Variants in CTNNA2 observed in about 807,000 individuals in gnomAD.
CTNNA2 encodes catenin alpha-2.
CTNNA2 carries 42 observed loss-of-function variants against 101.0 expected under a neutral mutation model. The observed-to-expected ratio is 0.42, with a 90% CI of 0.32 to 0.54. CTNNA2 has a LOEUF of 0.54. CTNNA2 is among the 20% of genes least tolerant of loss of function. The pLI is 0.14. For missense variants in CTNNA2, 871 were observed against 1,223.1 expected, an observed-to-expected ratio of 0.71 and a Z score of 4.29; for synonymous variants, 450 against 456.4, an observed-to-expected ratio of 0.99 and a Z score of 0.18.
At position 79,911,045 on chromosome 2, in the gene CTNNA2, C is replaced by T. The variant is rs144883103; in HGVS notation, c.1056+1248C>T. 2.3e-3 allele frequency among the ~76,000 whole-genome samples: 351 copies of T among 152,268 alleles called. 2 individuals are homozygous for T. Among genetic ancestry groups the T allele is most frequent in the East Asian group, 0.012 (64 of 5,178 alleles). On this transcript the variant is annotated intron_variant, in intron 7 of 18. Coordinates refer to ENST00000402739, the MANE Select transcript of CTNNA2 (RefSeq NM_001282597.3). ...GCACACAAAGAATAAAATGTGGATG[C>T]ATCATGTGGCACCCAGCTGCTTATG...
intron 3 of CTNNA2, among the ~76,000 whole-genome samples, chr2:79,833,771 T>A (rs1679101808): frequency 6.6e-6 from 1 of 152,230 alleles, no homozygotes; most frequent in Non-Finnish European, 1.5e-5. Context: ...AGTCTTGCCA[T>A]GAAGAATCCT....
intron 1 of CTNNA2, among the ~76,000 whole-genome samples, chr2:79,515,815 T>G (rs1167475993): frequency 2.0e-5 from 3 of 152,190 alleles, no homozygotes; most frequent in African/African-American, 7.2e-5. Context: ...TGACTGGACC[T>G]TTAAAAATAC....
intron 17 of CTNNA2, chr2:80,612,831 T>G (rs1573455834): frequency 6.6e-6 from 1 of 151,474 alleles, no homozygotes; most frequent in East Asian, 2.0e-4. Flanking sequence ...GAAAAAAATC[T>G]AAAGTGCTAG....
intron 4 of CTNNA2, among the ~76,000 whole-genome samples, chr2:79,458,326 G>A (rs1051260253): frequency 6.6e-6 from 1 of 152,072 alleles, no homozygotes; most frequent in Admixed American, 6.5e-5. Flanking sequence ...TTTACAAAAT[G>A]AGTGAATTTT....
At chr2:79,973,909 A>G (rs1258840526) in intron 7 of CTNNA2, among the ~76,000 whole-genome samples, 3 of 151,678 alleles carry the variant, frequency 2.0e-5, no homozygotes, top group African/African-American at 7.3e-5. Flanking sequence ...TTTGTCAATC[A>G]AAGTGACAAG....
At chr2:79,889,944 T>C (rs985375829) in intron 6 of CTNNA2, among the ~76,000 whole-genome samples, 1 of 152,178 alleles carries the variant, frequency 6.6e-6, no homozygotes, top group African/African-American at 2.4e-5. Context: ...GGCCATTCTA[T>C]GTGACAGGAG....
chr2:80,644,041 G>A (rs533615766), intron 18 of CTNNA2, among the ~76,000 whole-genome samples: 20 of 152,246 alleles, frequency 1.3e-4, no homozygotes, highest in Admixed American at 6.5e-4. Flanking sequence ...TTTTGGATAG[G>A]CAATAACTAA....
At chr2:79,627,540 A>G (rs572921990) in intron 1 of CTNNA2, among the ~76,000 whole-genome samples, 4 of 152,348 alleles carry the variant, frequency 2.6e-5, no homozygotes, top group African/African-American at 9.6e-5. Context: ...CCATTATACC[A>G]TAACTGAAAA....
chr2:80,193,404 G>A (rs915782136), intron 7 of CTNNA2, among the ~76,000 whole-genome samples: 76 of 152,260 alleles, frequency 5.0e-4, no homozygotes, highest in African/African-American at 1.8e-3. Context: ...AGTCATTGAC[G>A]ATAAAATGTG....
At chr2:80,056,157 G>A (rs1376083132) in intron 7 of CTNNA2, among the ~76,000 whole-genome samples, 1 of 152,186 alleles carries the variant, frequency 6.6e-6, no homozygotes, top group African/African-American at 2.4e-5. Flanking sequence ...TCTTCTGTGA[G>A]TTGAGATGAA....
intron 2 of CTNNA2, among the ~76,000 whole-genome samples, chr2:79,277,425 A>G (rs1267504336): frequency 2.0e-5 from 3 of 151,948 alleles, no homozygotes; most frequent in Non-Finnish European, 4.4e-5. Flanking sequence ...GAGTCCTACT[A>G]TGATAATTAT....
At chr2:79,787,959 G>A (rs11893173) in intron 3 of CTNNA2, among the ~76,000 whole-genome samples, 23,734 of 151,952 alleles carry the variant, frequency 0.16, 3,090 homozygotes, top group East Asian at 0.37. Context: ...TTGGTAGAAG[G>A]GGCATTATTT....
chr2:79,815,991 C>T (rs1217585694), intron 3 of CTNNA2, among the ~76,000 whole-genome samples: 1 of 135,920 alleles, frequency 7.4e-6, no homozygotes, highest in African/African-American at 3.3e-5. Context: ...TAGGTGTATT[C>T]CTAAGTATTT....
At chr2:79,488,708 C>G (rs1671181341) in intron 4 of CTNNA2, among the ~76,000 whole-genome samples, 2 of 152,116 alleles carry the variant, frequency 1.3e-5, no homozygotes, top group South Asian at 4.1e-4. Context: ...TCTCAATGAA[C>G]AATTTCTTGA....
intron 7 of CTNNA2, among the ~76,000 whole-genome samples, chr2:80,198,439 T>C (rs894855029): frequency 2.6e-5 from 4 of 152,236 alleles, no homozygotes; most frequent in Non-Finnish European, 5.9e-5. Flanking sequence ...AGCTAAGCTC[T>C]CATAAAATAT....
At chr2:80,015,991 C>T (rs1023144513) in intron 7 of CTNNA2, among the ~76,000 whole-genome samples, 1 of 152,204 alleles carries the variant, frequency 6.6e-6, no homozygotes, top group South Asian at 2.1e-4. Context: ...TCCAAGATGG[C>T]CCCCCTCAGC....
chr2:79,205,509 A>G (rs1558572851), intron 2 of CTNNA2, among the ~76,000 whole-genome samples: 1 of 152,206 alleles, frequency 6.6e-6, no homozygotes, highest in Admixed American at 6.5e-5. Flanking sequence ...TATAGACATA[A>G]AAAAGACTGT....
intron 7 of CTNNA2, among the ~76,000 whole-genome samples, chr2:79,942,805 G>T: frequency 6.6e-6 from 1 of 152,098 alleles, no homozygotes; most frequent in East Asian, 1.9e-4. Flanking sequence ...ATCCTTGCAT[G>T]CAGGAAAATT....
At chr2:79,888,741 G>A (rs1684079883) in intron 6 of CTNNA2, among the ~76,000 whole-genome samples, 1 of 151,994 alleles carries the variant, frequency 6.6e-6, no homozygotes, top group South Asian at 2.1e-4. Context: ...ACTGATTTTT[G>A]CTTTTGAGAA....
Sources: gnomAD v4.1 joint callset for allele counts (sites outside exome capture counted in the v4.1 genomes callset) on GRCh38, gnomAD v4.1.1 for gene constraint, MANE v1.5 for transcripts, NCBI Gene and HGNC (gene_info 2026-07-23, HGNC 2026-07-21) for gene names.